Variants in TCF3 observed in about 807,000 individuals in gnomAD.
TCF3 encodes the protein transcription factor E2-alpha.
In TCF3, 54 loss-of-function variants were observed where a neutral mutation model predicts 72.3. The ratio of observed to expected loss-of-function variants is 0.75; its 90% confidence interval spans 0.60 to 0.94. The LOEUF (loss-of-function observed/expected upper bound fraction) is 0.94. Ranked by LOEUF, TCF3 falls within the 40% of genes least tolerant of loss-of-function variation. TCF3 has a pLI of 0.00. For synonymous variants in TCF3, 525 were observed against 412.6 expected (o/e 1.27, Z -3.30); for missense variants, 1,078 against 934.4 (o/e 1.15, Z -2.00).
intron 13 of TCF3, among the ~76,000 whole-genome samples, chr19:1,620,317 G>A (rs967788405): frequency 6.6e-6 from 1 of 152,058 alleles, no homozygotes; most frequent in Non-Finnish European, 1.5e-5. Flanking sequence ...CAGACCTTCT[G>A]GAAACCTCCA....
At chr19:1,620,404 G>T (rs180817438) in intron 13 of TCF3, among the ~76,000 whole-genome samples, 1 of 152,142 alleles carries the variant, frequency 6.6e-6, no homozygotes, top group African/African-American at 2.4e-5. Flanking sequence ...GGGATAGGAG[G>T]GTCTGCCCTC....
At chr19:1,636,030 G>C (rs534244958) in intron 3 of TCF3, among the ~76,000 whole-genome samples, 1 of 152,340 alleles carries the variant, frequency 6.6e-6, no homozygotes, top group East Asian at 1.9e-4. Flanking sequence ...CGCCCTGCCT[G>C]GGTCTGGCCC....
In TCF3 at chr19:1,618,489, T is replaced by A. The variant is rs137979493; in HGVS notation, c.1450+622A>T. ...TCCCCGCAGCCCACAAGGCCCCGCA[T>A]GACCTGCCCTGCCCCGCCCTCCCCC... On this transcript the variant is annotated intron_variant, in intron 16 of 18. Transcript: ENST00000262965. Among the ~76,000 whole-genome samples the A allele has an allele frequency of 6.7e-3, 1,022 of 151,758 alleles. 18 individuals are homozygous for A. Among genetic ancestry groups the A allele is most frequent in the Middle Eastern group, 0.051 (15 of 292 alleles).
intron 1 of TCF3, among the ~76,000 whole-genome samples, chr19:1,651,977 G>C (rs943929274): frequency 6.6e-6 from 1 of 150,908 alleles, no homozygotes; most frequent in Admixed American, 6.6e-5. Flanking sequence ...GGCTGGGGGG[G>C]ACGGTCCTCG....
rs537925781 is a variant in TCF3 at position 1,641,334 on chromosome 19, G to C, written c.145+5021C>G. 3.9e-5 allele frequency among the ~76,000 whole-genome samples: 6 copies of C among 152,186 alleles called. No homozygotes were observed. The East Asian group carries it at 1.2e-3, about 29-fold the overall frequency. On this transcript the variant is annotated intron_variant, in intron 3 of 18. Coordinates refer to ENST00000262965, the MANE Select transcript of TCF3 (RefSeq NM_003200.5). ...CACAAAATACTCAAAGTGAAAAATT[G>C]GGCTGGGCACAGTGGCTCACACATG...
chr19:1,641,323 A>G (rs1353297426), intron 3 of TCF3, among the ~76,000 whole-genome samples: 2 of 152,170 alleles, frequency 1.3e-5, no homozygotes, highest in Admixed American at 6.6e-5. Context: ...AAATACTCAA[A>G]GTGAAAAATT....
chr19:1,642,161 C>G (rs1486872463), intron 3 of TCF3, among the ~76,000 whole-genome samples: 1 of 151,588 alleles, frequency 6.6e-6, no homozygotes, highest in African/African-American at 2.4e-5. Context: ...CACACACACA[C>G]ACACGCACGC....
At chr19:1,624,715 A>G (rs996603124) in intron 7 of TCF3, among the ~76,000 whole-genome samples, 2 of 152,222 alleles carry the variant, frequency 1.3e-5, no homozygotes, top group Admixed American at 6.5e-5. Flanking sequence ...GCACAGTGGG[A>G]AAAGTTCGAG....
intron 14 of TCF3, 63 bp from the exon 15 acceptor site, chr19:1,619,537 A>AT: frequency 6.6e-7 from 1 of 1,520,380 alleles, no homozygotes; most frequent in Non-Finnish European, 8.8e-7. Context: ...GCCTCCATTC[A>AT]TGTCCCTTCC....
chr19:1,619,738 T>C (rs1470848188), intron 14 of TCF3, 42 bp downstream of exon 14: 1 of 1,135,764 alleles, frequency 8.8e-7, no homozygotes, highest in East Asian at 7.9e-5. Flanking sequence ...GTCCTGCAAA[T>C]TCTGTCGGGG....
chr19:1,623,823 C>A (rs779157268), intron 8 of TCF3, 128 bp downstream of exon 8: 22 of 941,554 alleles, frequency 2.3e-5, no homozygotes, highest in Non-Finnish European at 3.5e-5. Flanking sequence ...GATCTTGGCT[C>A]AGAAATCACA....
chr19:1,625,509 A>C, intron 7 of TCF3, 67 bp downstream of exon 7: 1 of 1,467,960 alleles, frequency 6.8e-7, no homozygotes, highest in Non-Finnish European at 9.0e-7. Context: ...GCTAACGGGA[A>C]GCCTCCTACC....
intron 3 of TCF3, among the ~76,000 whole-genome samples, chr19:1,641,727 A>T (rs2065270745): frequency 6.6e-6 from 1 of 152,028 alleles, no homozygotes; most frequent in Non-Finnish European, 1.5e-5. Flanking sequence ...TGCTGGGATT[A>T]TAGGTGTGAG....
At chr19:1,635,399 C>T (rs2064257862) in intron 3 of TCF3, among the ~76,000 whole-genome samples, 2 of 152,078 alleles carry the variant, frequency 1.3e-5, no homozygotes, top group Admixed American at 6.6e-5. Context: ...CTTCTCCCTC[C>T]CTCTACCCTC....
chr19:1,638,113 G>C (rs1360167963), intron 3 of TCF3, among the ~76,000 whole-genome samples: 1 of 152,164 alleles, frequency 6.6e-6, no homozygotes, highest in Admixed American at 6.5e-5. Flanking sequence ...TACGAATCAA[G>C]AGATTCCTAG....
chr19:1,633,934 C>T (rs1369536934), intron 3 of TCF3, among the ~76,000 whole-genome samples: 8 of 152,180 alleles, frequency 5.3e-5, no homozygotes, highest in African/African-American at 9.7e-5. Flanking sequence ...TGGTCCCCTC[C>T]GGCCATAGCC....
chr19:1,651,605 G>C (rs1226547301), intron 1 of TCF3, among the ~76,000 whole-genome samples: 1 of 152,138 alleles, frequency 6.6e-6, no homozygotes, highest in Non-Finnish European at 1.5e-5. Flanking sequence ...CTTGGAGAAT[G>C]TTTGAAGCCA....
At chr19:1,649,862 G>T (rs976991434) in intron 2 of TCF3, among the ~76,000 whole-genome samples, 2 of 152,228 alleles carry the variant, frequency 1.3e-5, no homozygotes, top group Non-Finnish European at 2.9e-5. Flanking sequence ...CAGATCAGAA[G>T]ATCAAGGCCG....
intron 4 of TCF3, 97 bp from the exon 5 acceptor site, chr19:1,632,213 C>G: frequency 6.5e-7 from 1 of 1,550,126 alleles, no homozygotes; most frequent in Non-Finnish European, 8.7e-7. Context: ...AAACCCATGT[C>G]CCCCAGTCCA....
Sources: gnomAD v4.1 joint callset for allele counts (sites outside exome capture counted in the v4.1 genomes callset) on GRCh38, gnomAD v4.1.1 for gene constraint, MANE v1.5 for transcripts, NCBI Gene and HGNC (gene_info 2026-07-23, HGNC 2026-07-21) for gene names.